Variants in STARD9 observed in about 807,000 individuals in gnomAD.
STARD9 encodes the protein StAR related lipid transfer domain containing 9.
STARD9 carries 346 observed loss-of-function variants against 399.8 expected under a neutral mutation model. The ratio of observed to expected loss-of-function variants is 0.87; its 90% confidence interval spans 0.79 to 0.95. The LOEUF is 0.95. Among genes scored for constraint, STARD9 ranks in the 40% least tolerant of loss-of-function variants. STARD9 has a pLI of 0.00. For synonymous variants in STARD9, 2,203 were observed against 2,143.5 expected (o/e 1.03, Z -0.77); for missense variants, 5,832 against 5,667.5 (o/e 1.03, Z -0.93).
intron 9 of STARD9, among the ~76,000 whole-genome samples, chr15:42,660,574 AACAG>A (rs1287904951): frequency 1.3e-5 from 2 of 151,816 alleles, no homozygotes; most frequent in Admixed American, 1.3e-4. Context: ...TCAAAAAAAA[AACAG>A]ACAAACAAAA....
chr15:42,689,033 G>T lies in STARD9; in HGVS notation c.7455G>T (p.Gln2485His), dbSNP rs1202393773. 1.3e-6 allele frequency: 2 copies of T among 1,537,306 alleles called. No homozygotes were observed. The highest frequency in any genetic ancestry group is 2.7e-5 in the African/African-American group (2 of 73,182). Residue 2485 changes from glutamine (Q) to histidine (H), a missense_variant, in exon 23 of 33, where the codon CAG becomes CAT. Gln to His is a conservative substitution (Grantham distance 24, BLOSUM62 0). Around this residue, in one of 2 missense-constraint regions of STARD9, gnomAD observed 5,828 missense variants for 5,651.1 expected, o/e 1.03. Transcript: ENST00000290607. ...GTTCACTGAACAAGGTCTCTAGCCA[G>T]CCTGAAAAGAGGGTCAGCTTCTCCT... ...RVSSLNKVSS[Q>H]PEKRVSFSLE...
At chr15:42,656,327 TAAAAAAAAAAAAAAAAAAAAAAAAA>T (rs869264641) in intron 9 of STARD9, among the ~76,000 whole-genome samples, 968 of 35,364 alleles carry the variant, frequency 0.027, 24 homozygotes, top group African/African-American at 0.095. Context: ...AGCCATCTCC[TAAAAAAAAAAAAAAAAAAAAAAAAA>T]AAAAAAAAAA....
chr15:42,688,985 T>C lies in STARD9; in HGVS notation c.7407T>C (p.Ala2469=), dbSNP rs1447880567. 1.3e-6 allele frequency: 2 copies of C among 1,537,326 alleles called. No homozygotes were observed. The highest frequency in any genetic ancestry group is 3.9e-5 in the Admixed American group (2 of 51,006). ...SEDFASEAEV[A]VQKEIRVSSL... ...ATTTTGCTTCTGAAGCCGAGGTGGC[T>C]GTACAAAAAGAAATAAGAGTCAGTT... is the stretch of plus-strand genomic sequence containing the variant. The change falls in exon 23 of 33, where the codon GCT becomes GCC. Residue 2469 remains alanine, a synonymous_variant. Coordinates refer to ENST00000290607, the MANE Select transcript of STARD9 (RefSeq NM_020759.3).
At chr15:42,583,288 GCT>G (rs1161904453) in intron 1 of STARD9, 56 bp from the exon 2 acceptor site, 1 of 1,341,508 alleles carries the variant, frequency 7.5e-7, no homozygotes, top group African/African-American at 1.5e-5. Flanking sequence ...CTGGTTTTAG[GCT>G]CTTTTTTCTT....
At chr15:42,597,013 T>C (rs1369637656) in intron 3 of STARD9, among the ~76,000 whole-genome samples, 3 of 152,248 alleles carry the variant, frequency 2.0e-5, no homozygotes, top group Non-Finnish European at 4.4e-5. Context: ...TTAAGGAAAT[T>C]GATTCATCTG....
In STARD9 at chr15:42,689,789, AAAG is replaced by A. The variant is rs2060647023; in HGVS notation, c.8215_8217del (p.Lys2739del). The stretch of plus-strand genomic sequence containing the variant: ...TGGAGGAGGTCAGGAGGGTAGTATC[AAAG>A]AAGGTAGTGGCTGCCTTACCTTCTC... On this transcript the variant is annotated inframe_deletion, in exon 23 of 33. Transcript: ENST00000290607. 2.6e-6 allele frequency: 4 copies of A among 1,537,468 alleles called. No individual in the cohort carries two copies. The African/African-American group carries it at 5.5e-5, about 21-fold the overall frequency.
Position 42,685,337 on chromosome 15 carries a change from G to C in STARD9, c.3759G>C (p.Arg1253Ser). The C allele has an allele frequency of 1.3e-6, 2 of 1,537,336 alleles. No homozygotes were observed. Among genetic ancestry groups the C allele is most frequent in the Non-Finnish European group, 1.7e-6 (2 of 1,146,952 alleles). ...TAATGGACCAAGAGGCAATATGCAG[G>C]CTTGGTCCCATCAACTACAGAACAG... is the stretch of plus-strand genomic sequence containing the variant. ...LPVMDQEAIC[R>S]LGPINYRTAA... Residue 1253 changes from arginine (R) to serine (S), a missense_variant, in exon 23 of 33, where the codon AGG (arginine) becomes AGC (serine). By Grantham distance (110) the Arg-to-Ser change is moderately radical. Around this residue, in one of 2 missense-constraint regions of STARD9, gnomAD observed 5,828 missense variants for 5,651.1 expected, o/e 1.03. Transcript: ENST00000290607.
intron 3 of STARD9, among the ~76,000 whole-genome samples, chr15:42,605,540 T>A (rs2058709163): frequency 6.6e-6 from 1 of 152,216 alleles, no homozygotes; most frequent in Non-Finnish European, 1.5e-5. Context: ...CTTAAACAGC[T>A]GGTCCTCAGG....
At chr15:42,635,095 C>G (rs926422016) in intron 4 of STARD9, 123 bp downstream of exon 4, 2 of 524,720 alleles carry the variant, frequency 3.8e-6, no homozygotes, top group African/African-American at 3.9e-5. Context: ...ATTGAATGAG[C>G]CTTCTTCTGT....
chr15:42,619,421 C>T (rs894513132), intron 3 of STARD9, among the ~76,000 whole-genome samples: 4 of 151,930 alleles, frequency 2.6e-5, no homozygotes, highest in Admixed American at 1.3e-4. Flanking sequence ...AAAAATTAGC[C>T]GGGCATGGTG....
chr15:42,612,942 C>T (rs2058882336), intron 3 of STARD9, among the ~76,000 whole-genome samples: 1 of 150,154 alleles, frequency 6.7e-6, no homozygotes, highest in Admixed American at 6.7e-5. Flanking sequence ...CAAGATCCTG[C>T]CACTGCATTC....
Position 42,691,453 on chromosome 15 carries a change from A to T in STARD9, c.9875A>T (p.Tyr3292Phe). The T allele has an allele frequency of 3.3e-6, 5 of 1,537,264 alleles. No homozygotes were observed. Among genetic ancestry groups the T allele is most frequent in the Non-Finnish European group, 4.4e-6 (5 of 1,146,906 alleles). ...GCTGCTCAGAGGAGTGGCCACCTCT[A>T]CACTGGCAGAGAGCAGCCAGCACCC... ...QPAAQRSGHLYTGREQPAPNH... is the reference protein window; with the variant it reads ...QPAAQRSGHLFTGREQPAPNH... Residue 3292 changes from tyrosine to phenylalanine, a missense_variant, in exon 23 of 33, where the codon TAC (tyrosine) becomes TTC (phenylalanine). Coordinates refer to ENST00000290607, the MANE Select transcript of STARD9 (RefSeq NM_020759.3).
intron 3 of STARD9, among the ~76,000 whole-genome samples, chr15:42,619,302 T>C (rs2059036180): frequency 6.6e-6 from 1 of 152,096 alleles, no homozygotes; most frequent in Non-Finnish European, 1.5e-5. Context: ...GTTCCTTTAG[T>C]TTTGCTTTTT....
At position 42,693,184 on chromosome 15, in the gene STARD9, T is replaced by C; in HGVS notation, c.11606T>C (p.Leu3869Pro). 1 of 1,537,094 alleles carries C rather than the reference T, an allele frequency of 6.5e-7. No homozygotes were observed. Among genetic ancestry groups the C allele is most frequent in the African/African-American group, 1.4e-5 (1 of 73,126 alleles). Residue 3869 changes from leucine (L) to proline (P), a missense_variant, in exon 23 of 33, where the codon CTC becomes CCC. This residue lies in a region of STARD9 where 5,828 missense variants were observed against 5,651.1 expected (regional missense o/e 1.03). Coordinates refer to ENST00000290607, the MANE Select transcript of STARD9 (RefSeq NM_020759.3). The part of the protein sequence containing the change: ...PSPSSPHSPG[L>P]FPSTSEYPGD... ...CCCAGCTCCCCTCATTCCCCAGGGCTCTTTCCCAGTACTTCCGAGTATCCT... is the reference window on the plus strand; with the variant it reads ...CCCAGCTCCCCTCATTCCCCAGGGCCCTTTCCCAGTACTTCCGAGTATCCT...
Position 42,634,971 on chromosome 15 carries a change from C to A in STARD9, c.350C>A (p.Pro117Gln). The change falls in exon 4 of 33, where the codon CCA (proline) becomes CAA (glutamine). Residue 117 changes from proline (P) to glutamine (Q), a missense_variant and splice_region_variant. Pro to Gln is a moderately conservative substitution (Grantham distance 76). Transcript: ENST00000290607. ...AAGACATATACCATGCTGGGGACCCCAGTGAGTATTACAATGATATATATT... is the reference window on the plus strand; with the variant it reads ...AAGACATATACCATGCTGGGGACCCAAGTGAGTATTACAATGATATATATT... Reference protein sequence around the residue: ...SGKTYTMLGTPASVGLTPRIC... With the variant: ...SGKTYTMLGTQASVGLTPRIC... 1 of 1,508,962 alleles carries A rather than the reference C, an allele frequency of 6.6e-7. No homozygotes were observed. The highest frequency in any genetic ancestry group is 1.2e-5 in the South Asian group (1 of 83,020). 93.5% of individuals were successfully genotyped at this position (1,508,962 alleles called of 1,614,324 possible).
At chr15:42,652,370 T>G (rs1393170736) in intron 8 of STARD9, 150 bp from the exon 9 acceptor site, 1 of 674,894 alleles carries the variant, frequency 1.5e-6, no homozygotes, top group East Asian at 2.8e-5. Flanking sequence ...CTTTGGACTA[T>G]TCTCTTCACG....
chr15:42,609,899 C>G (rs572370881), intron 3 of STARD9, among the ~76,000 whole-genome samples: 41 of 151,998 alleles, frequency 2.7e-4, no homozygotes, highest in Admixed American at 1.5e-3. Context: ...TCCAGACCAG[C>G]CTGGCCCATA....
intron 3 of STARD9, among the ~76,000 whole-genome samples, chr15:42,604,932 C>T (rs914131636): frequency 2.6e-5 from 4 of 152,074 alleles, no homozygotes; most frequent in African/African-American, 7.2e-5. Context: ...TGTGAGCCAT[C>T]GCGCCTGACC....
rs1342153043 is a variant in STARD9, at chr15:42,592,671, G to A, written c.234+7034G>A. ...GTTGGCCAGGCTCGTCTCGAACTCC[G>A]GATCTCAAGTGATCTGCCCACCTCA... On this transcript the variant is annotated intron_variant, in intron 3 of 32. Transcript: ENST00000290607. Among the ~76,000 whole-genome samples the A allele has an allele frequency of 2.0e-5, 3 of 151,828 alleles. No individual in the cohort carries two copies. The South Asian group carries it at 6.2e-4, about 32-fold the overall frequency.
Sources: allele counts gnomAD v4.1 joint callset (sites outside exome capture counted in the v4.1 genomes callset), GRCh38; gene constraint gnomAD v4.1.1; regional missense constraint gnomAD v4.1.1; transcripts MANE v1.5; gene names NCBI Gene and HGNC (gene_info 2026-07-23, HGNC 2026-07-21).